Variants in CBLC observed in about 807,000 individuals in gnomAD.
CBLC encodes Cbl proto-oncogene C.
A neutral mutation model predicts 58.6 loss-of-function variants in CBLC; 46 were observed. The observed-to-expected ratio is 0.79, with a 90% CI of 0.62 to 1.00. The LOEUF is 1.00. CBLC is among the 50% of genes least tolerant of loss of function. The probability of loss-of-function intolerance (pLI) is 0.00; values close to 1 mark genes in which losing one functional copy is unlikely to be tolerated. For synonymous variants in CBLC, 271 were observed against 264.2 expected (o/e 1.03, Z -0.25); for missense variants, 655 against 625.8 (o/e 1.05, Z -0.50).
Position 44,778,031 on chromosome 19 carries a change from G to C in CBLC, c.100G>C (p.Asp34His). The C allele has an allele frequency of 6.2e-7, 1 of 1,609,406 alleles. No individual in the cohort carries two copies. Among genetic ancestry groups the C allele is most frequent in the Non-Finnish European group, 8.5e-7 (1 of 1,179,632 alleles). Residue 34 changes from aspartate (D) to histidine (H), a missense_variant, in exon 1 of 11, where the codon GAC becomes CAC. Physicochemically the swap from Asp to His is moderately conservative, Grantham distance 81. Coordinates refer to ENST00000647358, the MANE Select transcript of CBLC (RefSeq NM_012116.4). ...GCAGCGCCTAGAAGAGCAATGCGTC[G>C]ACCCCCGGCTGTCCGTGAGTCCCCC... is the stretch of plus-strand genomic sequence containing the variant. ...MLQRLEEQCV[D>H]PRLSVSPPSL... is the part of the protein sequence containing the mutation.
intron 1 of CBLC, 34 bp from the exon 2 acceptor site, chr19:44,780,871 C>A: frequency 6.2e-7 from 1 of 1,602,706 alleles, no homozygotes; most frequent in South Asian, 1.1e-5. Context: ...GTGGGAGCCC[C>A]AAGGATAGCC....
chr19:44,796,912 G>A (rs1026722967), intron 9 of CBLC, among the ~76,000 whole-genome samples: 1 of 128,322 alleles, frequency 7.8e-6, no homozygotes, highest in Non-Finnish European at 1.7e-5. Flanking sequence ...GCGGGGCGGT[G>A]GGGGGGAGGG....
At position 44,784,295 on chromosome 19, in the gene CBLC, G is replaced by A. The variant is rs751768100; in HGVS notation, c.811G>A (p.Gly271Arg). 1 of 1,592,286 alleles carries A rather than the reference G, an allele frequency of 6.3e-7. No homozygotes were observed. Among genetic ancestry groups the A allele is most frequent in the South Asian group, 1.1e-5 (1 of 90,080 alleles). Reference protein sequence around the residue: ...YIFRPSCTRLGQWAIGYVSSD... With the variant: ...YIFRPSCTRLRQWAIGYVSSD... ...CTTCCGGCCCAGCTGTACTCGCCTG[G>A]GGCAGTGGGCCATCGGCTATGTGAG... Residue 271 changes from glycine (G) to arginine (R), a missense_variant, in exon 5 of 11, where the codon GGG becomes AGG. Physicochemically the swap from Gly to Arg is moderately radical, Grantham distance 125. Coordinates refer to ENST00000647358, the MANE Select transcript of CBLC (RefSeq NM_012116.4).
At chr19:44,798,592 G>T (rs907362321) in intron 9 of CBLC, among the ~76,000 whole-genome samples, 1 of 152,106 alleles carries the variant, frequency 6.6e-6, no homozygotes, top group African/African-American at 2.4e-5. Context: ...GCGGGCACCC[G>T]TAATCCCAGC....
At chr19:44,789,949 TG>T (rs1568561200) in intron 5 of CBLC, 54 bp from the exon 6 acceptor site, 6 of 1,142,488 alleles carry the variant, frequency 5.3e-6, no homozygotes, top group African/African-American at 1.5e-5. Flanking sequence ...CTTGTTCATC[TG>T]GGGGTGGGAA....
rs193110123 is a variant in CBLC, at chr19:44,800,543, G to A, written c.*8-8G>A. On this transcript the variant is annotated splice_region_variant and splice_polypyrimidine_tract_variant and intron_variant, in intron 10 of 10. Coordinates refer to ENST00000647358, the MANE Select transcript of CBLC (RefSeq NM_012116.4). Reference sequence around the variant, plus strand: ...CCTCATCTAACCCACCCCTCTCTCCGCCTACAGGGCACCCAGATGTGCTGC... The same window carrying A: ...CCTCATCTAACCCACCCCTCTCTCCACCTACAGGGCACCCAGATGTGCTGC... 97 of 730,850 alleles carry A rather than the reference G, an allele frequency of 1.3e-4. No individual in the cohort carries two copies. In the African/African-American group the frequency reaches 1.4e-3, roughly 11 times the overall value. The allele number at this position is 730,850 out of a possible 1,614,324, so 45.3% of individuals were successfully genotyped here. A position where few individuals can be genotyped will look rare whatever the true frequency, so the allele number is the denominator to read the frequency against.
At chr19:44,779,784 C>T (rs186082527) in intron 1 of CBLC, among the ~76,000 whole-genome samples, 4 of 152,196 alleles carry the variant, frequency 2.6e-5, no homozygotes, top group African/African-American at 9.6e-5. Context: ...AACTCCTGGC[C>T]TCATGCGATC....
At chr19:44,780,324 C>G (rs1418159972) in intron 1 of CBLC, among the ~76,000 whole-genome samples, 1 of 151,280 alleles carries the variant, frequency 6.6e-6, no homozygotes, top group Non-Finnish European at 1.5e-5. Context: ...TTATTAGAGA[C>G]AGGGTTTCAC....
chr19:44,778,354 C>G (rs552431001), intron 1 of CBLC, 70 bp downstream of exon 1: 23 of 1,341,756 alleles, frequency 1.7e-5, no homozygotes, highest in Middle Eastern at 2.8e-4. Context: ...CCTCCTCCCC[C>G]AGACCCAGGA....
rs1967775257 is a variant in CBLC at position 44,782,456 on chromosome 19, A to G, written c.744A>G (p.Gln248=). ...YMAFLTYDEV[Q]ERLQACRDKP... is the part of the protein sequence containing the mutation. ...CCTTCCTCACCTATGATGAGGTCCA[A>G]GAGCGTCTGCAGGCCTGCAGGGACA... Residue 248 remains glutamine (Q), a synonymous_variant, in exon 4 of 11, where the codon CAA becomes CAG. Transcript: ENST00000647358. 1 of 1,613,832 alleles carries G rather than the reference A, an allele frequency of 6.2e-7. No homozygotes were observed.
In CBLC at chr19:44,800,426, G is replaced by C. The variant is rs770969313; in HGVS notation, c.1408G>C (p.Asp470His). 9.3e-6 allele frequency: 15 copies of C among 1,612,998 alleles called. No homozygotes were observed. The highest frequency in any genetic ancestry group is 5.9e-6 in the Non-Finnish European group (7 of 1,179,158). ...NSPPAALGPQDPAPA is the reference protein window; with the variant it reads ...NSPPAALGPQHPAPA ...CCCTCCAGCTGCGCTGGGACCCCAG[G>C]ACCCTGCCCCGGCCTGAAGGCCAGG... The change falls in exon 10 of 11, where the codon GAC becomes CAC. Residue 470 changes from aspartate to histidine, a missense_variant. Asp to His is a moderately conservative substitution (Grantham distance 81). Transcript: ENST00000647358.
In CBLC at chr19:44,794,214, C is replaced by A. The variant is rs745556828; in HGVS notation, c.1295C>A (p.Ser432Ter). 1 of 1,611,132 alleles carries A rather than the reference C, an allele frequency of 6.2e-7. No homozygotes were observed. Among genetic ancestry groups the A allele is most frequent in the South Asian group, 1.1e-5 (1 of 90,778 alleles). Residue 432 changes from serine to a stop codon, truncating the protein, a stop_gained, in exon 9 of 11, where the codon TCG (serine) becomes TAG (stop). Coordinates refer to ENST00000647358, the MANE Select transcript of CBLC (RefSeq NM_012116.4). LOFTEE classifies it high-confidence loss of function. ...TCTGTCCCACCCCAGGTGCCCCTTT[C>A]GGCTCCTCCATTGCCCCCACGGCCA... is the stretch of plus-strand genomic sequence containing the variant. The part of the protein sequence containing the change: ...RELELGQVPL[S>*]APPLPPRPDL...
At chr19:44,799,293 C>T (rs1424560070) in intron 9 of CBLC, among the ~76,000 whole-genome samples, 1 of 152,188 alleles carries the variant, frequency 6.6e-6, no homozygotes, top group Non-Finnish European at 1.5e-5. Context: ...GCTATGGTCC[C>T]ATCACTGCAC....
Position 44,794,194 on chromosome 19 carries a change from C to G in CBLC, c.1285-10C>G, listed in dbSNP as rs200260767. ...CACAAGCCCCTTCTCCTTCCTCTGT[C>G]CCACCCCAGGTGCCCCTTTCGGCTC... On this transcript the variant is annotated splice_polypyrimidine_tract_variant and intron_variant, in intron 8 of 10. Coordinates refer to ENST00000647358, the MANE Select transcript of CBLC (RefSeq NM_012116.4). 9 of 1,593,938 alleles carry G rather than the reference C, an allele frequency of 5.6e-6. No individual in the cohort carries two copies. The highest frequency in any genetic ancestry group is 4.5e-5 in the African/African-American group (3 of 66,704).
intron 3 of CBLC, 39 bp from the exon 4 acceptor site, chr19:44,782,331 C>T (rs1377365451): frequency 1.2e-6 from 2 of 1,612,098 alleles, no homozygotes; most frequent in Admixed American, 3.3e-5. Flanking sequence ...TGAGCTGCTT[C>T]CCTGGTCGCT....
At chr19:44,778,337 C>A (rs1967628155) in intron 1 of CBLC, 53 bp downstream of exon 1, 1 of 1,352,078 alleles carries the variant, frequency 7.4e-7, no homozygotes, top group Non-Finnish European at 9.4e-7. Flanking sequence ...AGGTCTTGCT[C>A]CCAGCCCCTC....
At chr19:44,783,391 C>A (rs1349060576) in intron 4 of CBLC, among the ~76,000 whole-genome samples, 3 of 152,126 alleles carry the variant, frequency 2.0e-5, no homozygotes, top group Non-Finnish European at 4.4e-5. Flanking sequence ...CACCTGTAAT[C>A]CCAGCTACTT....
intron 7 of CBLC, among the ~76,000 whole-genome samples, chr19:44,793,009 G>A (rs1031754406): frequency 6.6e-6 from 1 of 152,122 alleles, no homozygotes; most frequent in Non-Finnish European, 1.5e-5. Flanking sequence ...AAAATTAGAC[G>A]GGTGTGGTGG....
At chr19:44,784,956 T>TG (rs1035691690) in intron 5 of CBLC, among the ~76,000 whole-genome samples, 201 of 91,562 alleles carry the variant, frequency 2.2e-3, no homozygotes, top group South Asian at 9.4e-3. Context: ...AGGTGTTTTT[T>TG]TTTTTTTTTT....
Sources: allele counts gnomAD v4.1 joint callset (sites outside exome capture counted in the v4.1 genomes callset), GRCh38; gene constraint gnomAD v4.1.1; transcripts MANE v1.5; gene names NCBI Gene and HGNC (gene_info 2026-07-23, HGNC 2026-07-21).